Variants in TSPAN15 observed in about 807,000 individuals in gnomAD.
TSPAN15 encodes the protein tetraspanin-15.
A neutral mutation model predicts 34.5 loss-of-function variants in TSPAN15; 20 were observed. The ratio of observed to expected loss-of-function variants is 0.58; its 90% CI spans 0.41 to 0.84. The LOEUF (loss-of-function observed/expected upper bound fraction) is 0.84. Ranked by LOEUF, TSPAN15 falls within the 40% of genes least tolerant of loss-of-function variation. TSPAN15 has a pLI of 0.00. For missense variants in TSPAN15, 313 were observed against 386.1 expected, an observed-to-expected ratio of 0.81 and a Z score of 1.59; for synonymous variants, 155 against 153.9, an observed-to-expected ratio of 1.01 and a Z score of -0.05.
At chr10:69,491,846 G>A (rs1167993693) in intron 3 of TSPAN15, among the ~76,000 whole-genome samples, 1 of 152,148 alleles carries the variant, frequency 6.6e-6, no homozygotes, top group Non-Finnish European at 1.5e-5. Flanking sequence ...AGCTTTAGCG[G>A]CCGCCCCTTC....
chr10:69,485,241 C>A, intron 3 of TSPAN15, 26 bp downstream of exon 3: 2 of 1,611,064 alleles, frequency 1.2e-6, no homozygotes, highest in Non-Finnish European at 1.7e-6. Context: ...TGTGTATCGG[C>A]CATGTGTGTA....
At position 69,505,275 on chromosome 10, in the gene TSPAN15, T is replaced by C. The variant is rs149654287; in HGVS notation, c.618+790T>C. ...TACAGCAATTTACAGCTGTTTAACA[T>C]AGTTCATCATGTAAGTGCTTAGGCA... is the stretch of plus-strand genomic sequence containing the variant. On this transcript the variant is annotated intron_variant, in intron 6 of 7. Transcript: ENST00000373290. Among the ~76,000 whole-genome samples, 420 of 152,282 alleles carry C rather than the reference T, an allele frequency of 2.8e-3. 7 individuals carry two copies. In the East Asian group the frequency reaches 0.036, roughly 13 times the overall value.
the TSPAN15 span, among the ~76,000 whole-genome samples, chr10:69,527,576 C>T: frequency 1.5e-5 from 2 of 136,378 alleles, no homozygotes; most frequent in Non-Finnish European, 3.1e-5. Flanking sequence ...GCCTGGGTAA[C>T]GAGAGCGAAA....
the TSPAN15 span, among the ~76,000 whole-genome samples, chr10:69,539,205 C>T: frequency 6.6e-6 from 1 of 151,668 alleles, no homozygotes; most frequent in Non-Finnish European, 1.5e-5. Flanking sequence ...GCTATGAGGA[C>T]ACAAAGGCAT....
rs1228262617 is a variant in TSPAN15, at chr10:69,455,569, T to G, written c.96+3879T>G. On this transcript the variant is annotated intron_variant, in intron 1 of 7. Transcript: ENST00000373290. Reference sequence around the variant, plus strand: ...TTCTTCTCTCTCTCTCTTTCTTTCTTTCTCTTTTCTTTCTTTCTTTCTCTT... The same window carrying G: ...TTCTTCTCTCTCTCTCTTTCTTTCTGTCTCTTTTCTTTCTTTCTTTCTCTT... 4.2e-5 allele frequency among the ~76,000 whole-genome samples: 5 copies of G among 118,210 alleles called. 1 individual carries two copies. The highest frequency in any genetic ancestry group is 7.3e-5 in the African/African-American group (2 of 27,414). 77.6% of individuals were successfully genotyped at this position (118,210 alleles called of 152,430 possible).
chr10:69,487,282 T>C (rs1282756550), intron 3 of TSPAN15, among the ~76,000 whole-genome samples: 3 of 152,168 alleles, frequency 2.0e-5, no homozygotes, highest in Non-Finnish European at 4.4e-5. Context: ...AATGGAGTCA[T>C]GGAGGCACAC....
At position 69,507,403 on chromosome 10, in the gene TSPAN15, C is replaced by G. The variant is rs1366831827; in HGVS notation, c.*425C>G. ...GGAGGGAAGGGCATCTGGGGAAGGG[C>G]AGGAGGGAAGAGCTGTCCATGCAGC... On this transcript the variant is annotated 3_prime_UTR_variant, in exon 8 of 8. Transcript: ENST00000373290. The G allele has an allele frequency of 2.4e-5, 30 of 1,237,166 alleles. No homozygotes were observed. The highest frequency in any genetic ancestry group is 3.0e-5 in the Non-Finnish European group (29 of 965,506). The allele number at this position is 1,237,166 out of a possible 1,614,324, so 76.6% of individuals were successfully genotyped here.
At chr10:69,455,628 C>CCCCCGCCCCG (rs1841087383) in intron 1 of TSPAN15, among the ~76,000 whole-genome samples, 1 of 114,500 alleles carries the variant, frequency 8.7e-6, no homozygotes, top group African/African-American at 3.7e-5. Flanking sequence ...CTCTCTCTCC[C>CCCCCGCCCCG]CCCCCCGTCT....
the TSPAN15 span, among the ~76,000 whole-genome samples, chr10:69,518,757 T>C: frequency 6.6e-6 from 1 of 152,124 alleles, no homozygotes; most frequent in Non-Finnish European, 1.5e-5. Flanking sequence ...AAGAACTCAG[T>C]AAAATTAACA....
chr10:69,480,624 A>G (rs1029942375), intron 1 of TSPAN15, among the ~76,000 whole-genome samples: 1 of 152,138 alleles, frequency 6.6e-6, no homozygotes, highest in Non-Finnish European at 1.5e-5. Context: ...TTATTTGTCC[A>G]GGTTTAGAGT....
At chr10:69,539,779 G>T in the TSPAN15 span, among the ~76,000 whole-genome samples, 6 of 152,058 alleles carry the variant, frequency 3.9e-5, no homozygotes, top group Non-Finnish European at 7.4e-5. Flanking sequence ...GACCAATACA[G>T]CTGCTCCTGC....
At chr10:69,496,764 A>ACTT (rs1282103899) in intron 4 of TSPAN15, among the ~76,000 whole-genome samples, 2 of 152,168 alleles carry the variant, frequency 1.3e-5, no homozygotes, top group Non-Finnish European at 2.9e-5. Flanking sequence ...CTTGGCCCAG[A>ACTT]CTTTCTCTTC....
intron 3 of TSPAN15, among the ~76,000 whole-genome samples, chr10:69,494,258 G>A (rs190620730): frequency 4.7e-4 from 72 of 152,244 alleles, no homozygotes; most frequent in Middle Eastern, 3.4e-3. Flanking sequence ...GTTTCCCACG[G>A]GATTTGTTTT....
chr10:69,532,975 G>A, the TSPAN15 span, among the ~76,000 whole-genome samples: 5 of 152,138 alleles, frequency 3.3e-5, no homozygotes, highest in African/African-American at 9.7e-5. Context: ...ATTGCAATGC[G>A]TTACCACCTT....
chr10:69,494,703 G>C, intron 3 of TSPAN15: 1 of 985,446 alleles, frequency 1.0e-6, no homozygotes, highest in Non-Finnish European at 1.2e-6. Context: ...CGTACGCTGT[G>C]GTGCCACCCC....
chr10:69,480,685 T>C (rs968375333), intron 1 of TSPAN15, among the ~76,000 whole-genome samples: 3 of 151,932 alleles, frequency 2.0e-5, no homozygotes, highest in African/African-American at 7.3e-5. Flanking sequence ...GGACTTGGCC[T>C]TTTTTTTCTT....
At chr10:69,485,323 A>G (rs1841829671) in intron 3 of TSPAN15, 108 bp downstream of exon 3, 4 of 917,540 alleles carry the variant, frequency 4.4e-6, no homozygotes, top group Non-Finnish European at 7.3e-6. Flanking sequence ...ACCCCCATGG[A>G]GCTTTCATTC....
At chr10:69,548,910 C>T in the TSPAN15 span, among the ~76,000 whole-genome samples, 1 of 151,638 alleles carries the variant, frequency 6.6e-6, no homozygotes, top group African/African-American at 2.4e-5. Flanking sequence ...CTAGAAGGGT[C>T]ATATTTCAAT....
chr10:69,526,763 G>A, the TSPAN15 span, among the ~76,000 whole-genome samples: 1 of 133,666 alleles, frequency 7.5e-6, no homozygotes, highest in Non-Finnish European at 1.6e-5. Flanking sequence ...GTACCACCTG[G>A]GTGACAGAGT....
Sources: gnomAD v4.1 joint callset for allele counts (sites outside exome capture counted in the v4.1 genomes callset) on GRCh38, gnomAD v4.1.1 for gene constraint, MANE v1.5 for transcripts, NCBI Gene and HGNC (gene_info 2026-07-23, HGNC 2026-07-21) for gene names.